UBE2D3: variants seen among roughly 807,000 people sequenced by gnomAD.
UBE2D3 encodes the protein ubiquitin conjugating enzyme E2 D3.
A neutral mutation model predicts 22.8 loss-of-function variants in UBE2D3; 2 were observed. The observed-to-expected ratio is 0.09, with a 90% confidence interval of 0.04 to 0.28. The LOEUF is 0.28. Ranked by LOEUF, UBE2D3 falls within the 10% of genes least tolerant of loss-of-function variation. The pLI, the probability that UBE2D3 is intolerant of heterozygous loss-of-function variation, is 1.00. For missense variants in UBE2D3, 27 were observed against 182.5 expected (o/e 0.15, Z 4.91); for synonymous variants, 56 against 60.4 (o/e 0.93, Z 0.34).
intron 2 of UBE2D3, among the ~76,000 whole-genome samples, chr4:102,822,340 T>C (rs928884880): frequency 6.6e-6 from 1 of 152,186 alleles, no homozygotes; most frequent in African/African-American, 2.4e-5. Context: ...GGACCATATA[T>C]GAAACACATG....
intron 4 of UBE2D3, among the ~76,000 whole-genome samples, chr4:102,805,380 G>A (rs371654424): frequency 5.5e-4 from 83 of 152,170 alleles, no homozygotes; most frequent in Middle Eastern, 6.8e-3. Context: ...AATCGTACAA[G>A]TCCAGAATTT....
At chr4:102,862,108 T>C (rs1056219095) in intron 1 of UBE2D3, among the ~76,000 whole-genome samples, 1 of 151,946 alleles carries the variant, frequency 6.6e-6, no homozygotes, top group Non-Finnish European at 1.5e-5. Flanking sequence ...TTCAAAATAG[T>C]TTCGCCATGT....
chr4:102,820,438 G>T (rs554084520), intron 2 of UBE2D3, among the ~76,000 whole-genome samples: 1 of 152,206 alleles, frequency 6.6e-6, no homozygotes, highest in South Asian at 2.1e-4. Context: ...TTATCTTAAG[G>T]TTTAACAGTA....
chr4:102,827,651 A>G, upstream of UBE2D3: 1 of 986,274 alleles, frequency 1.0e-6, no homozygotes, highest in Non-Finnish European at 1.2e-6. Context: ...GACCGATGTG[A>G]GGCCGAAGCC....
intron 1 of UBE2D3, among the ~76,000 whole-genome samples, chr4:102,837,509 A>G (rs1731474161): frequency 6.6e-6 from 1 of 152,200 alleles, no homozygotes; most frequent in Admixed American, 6.5e-5. Flanking sequence ...TGTTTTAGCA[A>G]TAAAGTATTT....
intron 2 of UBE2D3, among the ~76,000 whole-genome samples, chr4:102,818,037 C>T (rs965649942): frequency 2.0e-5 from 3 of 152,192 alleles, no homozygotes; most frequent in Admixed American, 6.5e-5. Flanking sequence ...AGGAACAGCT[C>T]TCACACGGCA....
At chr4:102,848,901 CTGAT>C (rs936067393) in intron 1 of UBE2D3, among the ~76,000 whole-genome samples, 1 of 148,576 alleles carries the variant, frequency 6.7e-6, no homozygotes, top group Non-Finnish European at 1.5e-5. Context: ...GGTTATTCCT[CTGAT>C]TGATTTTATG....
intron 2 of UBE2D3, chr4:102,825,687 G>T (rs985382355): frequency 1.1e-5 from 9 of 810,866 alleles, no homozygotes; most frequent in Middle Eastern, 2.7e-4. Context: ...ACGAAACAAG[G>T]GTGTTATTAA....
At chr4:102,829,973 C>T (rs150134823), upstream of UBE2D3, among the ~76,000 whole-genome samples, 350 of 152,224 alleles carry the variant, frequency 2.3e-3, 1 homozygote, top group Non-Finnish European at 4.1e-3. Context: ...TCTAGATTAT[C>T]CATGCTTATA....
At chr4:102,798,717 G>A (rs375591221) in intron 7 of UBE2D3, among the ~76,000 whole-genome samples, 1 of 150,438 alleles carries the variant, frequency 6.6e-6, no homozygotes, top group Non-Finnish European at 1.5e-5. Flanking sequence ...TAGTGCTATT[G>A]TAACTGCTTT....
intron 2 of UBE2D3, among the ~76,000 whole-genome samples, chr4:102,821,056 A>G (rs1578258314): frequency 6.6e-6 from 1 of 152,194 alleles, no homozygotes; most frequent in African/African-American, 2.4e-5. Context: ...TTGAGGATAC[A>G]ATTCTGAATA....
chr4:102,811,121 A>C (rs1727934756), intron 2 of UBE2D3: 1 of 152,270 alleles, frequency 6.6e-6, no homozygotes, highest in South Asian at 2.1e-4. Flanking sequence ...AGGCAAAGAC[A>C]GGGATCGCTT....
At chr4:102,809,639 T>G (rs759200085) in intron 4 of UBE2D3, 33 bp downstream of exon 4, 1 of 1,570,096 alleles carries the variant, frequency 6.4e-7, no homozygotes, top group South Asian at 1.2e-5. Context: ...GGATTTTCAC[T>G]TAAAACTAAA....
intron 2 of UBE2D3, among the ~76,000 whole-genome samples, chr4:102,818,529 T>C (rs766593822): frequency 1.3e-5 from 2 of 152,202 alleles, no homozygotes; most frequent in Non-Finnish European, 2.9e-5. Context: ...TTCGCCTCAT[T>C]AGTTAAAACA....
At chr4:102,828,540 GAGTT>G (rs765558161), upstream of UBE2D3, among the ~76,000 whole-genome samples, 1 of 152,220 alleles carries the variant, frequency 6.6e-6, no homozygotes. Context: ...AGGACAGAGA[GAGTT>G]AGGGGCAGGG....
chr4:102,825,554 T>C (rs1730320846), intron 2 of UBE2D3: 1 of 1,192,290 alleles, frequency 8.4e-7, no homozygotes, highest in Non-Finnish European at 1.1e-6. Context: ...GGATAGAAGT[T>C]AGAGCAAGAA....
At chr4:102,845,337 A>G (rs1731992481) in intron 1 of UBE2D3, among the ~76,000 whole-genome samples, 1 of 152,214 alleles carries the variant, frequency 6.6e-6, no homozygotes, top group Non-Finnish European at 1.5e-5. Context: ...TGCTCACTGG[A>G]AGTATCTGGG....
chr4:102,868,330 A>T (rs756595771), intron 1 of UBE2D3, among the ~76,000 whole-genome samples: 9 of 150,786 alleles, frequency 6.0e-5, no homozygotes, highest in Non-Finnish European at 1.2e-4. Flanking sequence ...GGCCTCCCTA[A>T]GTGCTGGGAT....
chr4:102,803,562 A>G (rs1175010514), intron 4 of UBE2D3, among the ~76,000 whole-genome samples: 2 of 152,194 alleles, frequency 1.3e-5, no homozygotes, highest in African/African-American at 4.8e-5. Context: ...AATTAATCTA[A>G]CCCCTTGCTA....
Sources: allele counts gnomAD v4.1 joint callset (sites outside exome capture counted in the v4.1 genomes callset), GRCh38; gene constraint gnomAD v4.1.1; transcripts MANE v1.5; gene names NCBI Gene and HGNC (gene_info 2026-07-23, HGNC 2026-07-21).